The following INSC variants were observed in gnomAD, a reference collection of about 807,000 sequenced individuals.
INSC encodes the protein INSC spindle orientation adaptor protein, also known as protein inscuteable homolog.
In INSC, 67 loss-of-function variants were observed where a neutral mutation model predicts 58.6. The ratio of observed to expected loss-of-function variants is 1.14; its 90% CI spans 0.94 to 1.40. The LOEUF (loss-of-function observed/expected upper bound fraction) is 1.40. Ranked by LOEUF, INSC falls within the 40% of genes most tolerant of loss-of-function variation. The pLI is 0.00. For missense variants in INSC, 714 were observed against 692.0 expected (o/e 1.03, Z -0.36); for synonymous variants, 262 against 276.1 (o/e 0.95, Z 0.51).
chr11:15,180,694 C>CGGG (rs756237896), intron 5 of INSC, among the ~76,000 whole-genome samples: 539 of 41,770 alleles, frequency 0.013, 18 homozygotes, highest in African/African-American at 0.047. Flanking sequence ...AGGGGGGGGG[C>CGGG]GGGGGGGGGT....
downstream of INSC, among the ~76,000 whole-genome samples, chr11:15,247,489 G>GATTATTATT (rs1486710029): frequency 6.6e-6 from 1 of 152,076 alleles, no homozygotes; most frequent in South Asian, 2.1e-4. Flanking sequence ...ATGTGATGAT[G>GATTATTATT]ATTATTATTA....
chr11:15,179,511 G>A (rs1038338969), intron 5 of INSC, among the ~76,000 whole-genome samples: 3 of 152,170 alleles, frequency 2.0e-5, no homozygotes, highest in African/African-American at 7.2e-5. Context: ...TGGTTGGTTT[G>A]GTGCAGGCCC....
At chr11:15,257,560 C>G in the INSC span, among the ~76,000 whole-genome samples, 8 of 152,070 alleles carry the variant, frequency 5.3e-5, no homozygotes, top group African/African-American at 7.2e-5. Context: ...ACCACCCCCC[C>G]GCCTCAGTAC....
chr11:15,162,280 T>C (rs1849044629), intron 2 of INSC, among the ~76,000 whole-genome samples: 1 of 152,196 alleles, frequency 6.6e-6, no homozygotes, highest in Non-Finnish European at 1.5e-5. Context: ...TTCTTTCTAC[T>C]CTAGCCACAC....
intron 9 of INSC, among the ~76,000 whole-genome samples, chr11:15,233,113 T>C (rs188484973): frequency 5.4e-4 from 82 of 152,264 alleles, no homozygotes; most frequent in African/African-American, 1.9e-3. Context: ...GATTTAGATG[T>C]AGGTTGAGCT....
intron 12 of INSC, among the ~76,000 whole-genome samples, chr11:15,242,915 T>C (rs1202365601): frequency 6.6e-6 from 1 of 152,320 alleles, no homozygotes; most frequent in Middle Eastern, 3.4e-3. Context: ...GCCTGCACTT[T>C]TCAACCAGAC....
At chr11:15,175,077 A>G (rs2133821231) in intron 2 of INSC, among the ~76,000 whole-genome samples, 1 of 152,350 alleles carries the variant, frequency 6.6e-6, no homozygotes, top group Admixed American at 6.5e-5. Context: ...TGCTCACTAT[A>G]GAAAATTTGG....
At chr11:15,133,738 CT>C (rs1360737327) in intron 1 of INSC, among the ~76,000 whole-genome samples, 9 of 152,146 alleles carry the variant, frequency 5.9e-5, no homozygotes, top group Admixed American at 3.9e-4. Context: ...AAAAAACTCC[CT>C]TGAACTCTTG....
At chr11:15,227,771 C>G (rs927263239) in intron 9 of INSC, among the ~76,000 whole-genome samples, 1 of 152,276 alleles carries the variant, frequency 6.6e-6, no homozygotes, top group South Asian at 2.1e-4. Context: ...CCGCCTTACT[C>G]ATGCTCATGT....
chr11:15,169,993 G>A (rs1271536331), intron 2 of INSC, among the ~76,000 whole-genome samples: 2 of 152,178 alleles, frequency 1.3e-5, no homozygotes, highest in African/African-American at 4.8e-5. Flanking sequence ...ACGAAAATGT[G>A]TGAATCCTCC....
chr11:15,146,762 G>A lies in INSC; in HGVS notation c.-45-2368G>A, dbSNP rs147294014. Reference sequence around the variant, plus strand: ...GGTGATCCAGAATAGGCTATTGAATGTACAGTCACAGAGCTGTATTTCCGG... The same window carrying A: ...GGTGATCCAGAATAGGCTATTGAATATACAGTCACAGAGCTGTATTTCCGG... On this transcript the variant is annotated intron_variant, in intron 1 of 12. Transcript: ENST00000379556. Among the ~76,000 whole-genome samples, 297 of 152,318 alleles carry A rather than the reference G, an allele frequency of 1.9e-3. 1 individual carries two copies. The highest frequency in any genetic ancestry group is 6.9e-3 in the African/African-American group (287 of 41,562).
chr11:15,232,272 T>C (rs920559834), intron 9 of INSC, among the ~76,000 whole-genome samples: 29 of 152,160 alleles, frequency 1.9e-4, no homozygotes, highest in African/African-American at 6.8e-4. Context: ...GTGCTGCAGG[T>C]TACTTGGCTA....
intron 2 of INSC, among the ~76,000 whole-genome samples, chr11:15,165,766 G>T (rs949695805): frequency 2.0e-5 from 3 of 152,210 alleles, no homozygotes; most frequent in African/African-American, 4.8e-5. Flanking sequence ...GGTGGACATG[G>T]CAGGGCATGG....
At chr11:15,266,633 T>C in the INSC span, among the ~76,000 whole-genome samples, 5 of 152,128 alleles carry the variant, frequency 3.3e-5, no homozygotes, top group East Asian at 9.7e-4. Flanking sequence ...GTTGTAGTTG[T>C]ACCCAAGATT....
At chr11:15,219,413 A>G (rs1464833806) in intron 7 of INSC, among the ~76,000 whole-genome samples, 2 of 152,134 alleles carry the variant, frequency 1.3e-5, no homozygotes, top group Non-Finnish European at 2.9e-5. Context: ...GTAGATGTGA[A>G]TCACCTCCCC....
At chr11:15,119,588 A>G (rs1172607946) in intron 1 of INSC, among the ~76,000 whole-genome samples, 1 of 152,198 alleles carries the variant, frequency 6.6e-6, no homozygotes, top group East Asian at 1.9e-4. Flanking sequence ...GGAGAAATGA[A>G]GGTTTTGTCT....
At chr11:15,256,046 A>C in the INSC span, among the ~76,000 whole-genome samples, 6 of 152,156 alleles carry the variant, frequency 3.9e-5, no homozygotes, top group Non-Finnish European at 8.8e-5. Context: ...CCCAGTTCTC[A>C]CTTTGGTGCA....
chr11:15,214,755 G>A (rs767014918), intron 7 of INSC, among the ~76,000 whole-genome samples: 6 of 152,186 alleles, frequency 3.9e-5, no homozygotes, highest in African/African-American at 7.2e-5. Flanking sequence ...TAGGTCATGA[G>A]GGCTCTGCAC....
chr11:15,203,271 T>C (rs1376026944), intron 7 of INSC, among the ~76,000 whole-genome samples: 1 of 152,166 alleles, frequency 6.6e-6, no homozygotes, highest in Non-Finnish European at 1.5e-5. Flanking sequence ...CACCTTGCTA[T>C]TCCTGGCCAC....
Sources: allele counts gnomAD v4.1 joint callset (sites outside exome capture counted in the v4.1 genomes callset), GRCh38; gene constraint gnomAD v4.1.1; transcripts MANE v1.5; gene names NCBI Gene and HGNC (gene_info 2026-07-23, HGNC 2026-07-21).